PACRG: variants seen among roughly 807,000 people sequenced by gnomAD.
PACRG encodes the protein parkin coregulated.
Under a neutral mutation model 29.7 loss-of-function variants are expected in PACRG, and 29 were observed. That is an observed-to-expected ratio of 0.98 (90% CI 0.73 to 1.33). The LOEUF (loss-of-function observed/expected upper bound fraction) is 1.33. Among genes scored for constraint, PACRG ranks in the 40% most tolerant of loss-of-function variants. PACRG has a pLI of 0.00. For missense variants in PACRG, 279 were observed against 316.2 expected (o/e 0.88, Z 0.89); for synonymous variants, 116 against 118.7 (o/e 0.98, Z 0.15).
At chr6:162,772,304 G>A (rs912320386) in intron 1 of PACRG, among the ~76,000 whole-genome samples, 3 of 152,048 alleles carry the variant, frequency 2.0e-5, no homozygotes, top group Admixed American at 6.5e-5. Flanking sequence ...TGTTGGATGC[G>A]GTAAAGCTTC....
chr6:163,137,244 T>C (rs947617915), intron 4 of PACRG, among the ~76,000 whole-genome samples: 4 of 152,122 alleles, frequency 2.6e-5, no homozygotes, highest in Non-Finnish European at 4.4e-5. Flanking sequence ...CTTTCCAATG[T>C]CACACAGACT....
intron 2 of PACRG, chr6:163,043,073 A>ATGGC (rs1385012479): frequency 6.6e-6 from 1 of 152,220 alleles, no homozygotes; most frequent in African/African-American, 2.4e-5. Flanking sequence ...AGTACCCTGA[A>ATGGC]TGGCTGGCAG....
At chr6:162,925,554 G>A (rs1266745052) in intron 2 of PACRG, among the ~76,000 whole-genome samples, 3 of 152,024 alleles carry the variant, frequency 2.0e-5, no homozygotes, top group Non-Finnish European at 2.9e-5. Flanking sequence ...CAGAACCAGT[G>A]ACAAAAACTA....
intron 2 of PACRG, among the ~76,000 whole-genome samples, chr6:162,856,612 A>G (rs1286824017): frequency 6.6e-6 from 1 of 152,168 alleles, no homozygotes. Context: ...CTCTCCACAC[A>G]AATGGTAAAG....
chr6:163,278,115 G>T (rs1453929531), intron 4 of PACRG, among the ~76,000 whole-genome samples: 1 of 152,060 alleles, frequency 6.6e-6, no homozygotes, highest in East Asian at 1.9e-4. Context: ...CCATATGCTT[G>T]TTGGTCATTC....
intron 4 of PACRG, among the ~76,000 whole-genome samples, chr6:163,263,675 A>G (rs910682507): frequency 1.3e-5 from 2 of 152,210 alleles, no homozygotes; most frequent in Non-Finnish European, 2.9e-5. Flanking sequence ...CAGTTTATGA[A>G]AAGCCTATTA....
intron 2 of PACRG, among the ~76,000 whole-genome samples, chr6:162,866,257 C>T (rs974739023): frequency 2.0e-5 from 3 of 152,124 alleles, no homozygotes; most frequent in Admixed American, 6.5e-5. Flanking sequence ...AGAGAAATTG[C>T]TCATGTAAAA....
intron 4 of PACRG, among the ~76,000 whole-genome samples, chr6:163,119,919 A>G (rs1816190737): frequency 6.6e-6 from 1 of 152,124 alleles, no homozygotes. Context: ...AATATCTGGC[A>G]CCATTCATTT....
chr6:162,826,753 G>A (rs184896767), intron 2 of PACRG, among the ~76,000 whole-genome samples: 56 of 152,148 alleles, frequency 3.7e-4, no homozygotes, highest in East Asian at 1.7e-3. Flanking sequence ...GTGAGCCACC[G>A]CACCCAGCCA....
At chr6:163,097,382 G>A (rs1365113072) in intron 4 of PACRG, among the ~76,000 whole-genome samples, 1 of 152,190 alleles carries the variant, frequency 6.6e-6, no homozygotes, top group Non-Finnish European at 1.5e-5. Context: ...TGGACCAGTG[G>A]CAAATGTGGT....
chr6:163,281,299 G>A (rs557437511), intron 4 of PACRG, among the ~76,000 whole-genome samples: 18 of 152,292 alleles, frequency 1.2e-4, no homozygotes, highest in African/African-American at 3.9e-4. Flanking sequence ...GAGTGAGGAA[G>A]AGCAGATCAT....
intron 2 of PACRG, among the ~76,000 whole-genome samples, chr6:162,953,384 T>C (rs1799798114): frequency 6.6e-6 from 1 of 152,220 alleles, no homozygotes; most frequent in Non-Finnish European, 1.5e-5. Flanking sequence ...AAACTTCTTT[T>C]AATGTATGTA....
At chr6:163,041,007 C>T (rs1486495543) in intron 2 of PACRG, among the ~76,000 whole-genome samples, 3 of 152,106 alleles carry the variant, frequency 2.0e-5, no homozygotes, top group Non-Finnish European at 4.4e-5. Context: ...TATGGTTCGG[C>T]TCTGTGTCCT....
intron 4 of PACRG, among the ~76,000 whole-genome samples, chr6:163,225,759 T>C (rs549542743): frequency 6.6e-6 from 1 of 152,326 alleles, no homozygotes; most frequent in African/African-American, 2.4e-5. Context: ...ATACTGCACT[T>C]TCATTTTCAT....
At chr6:162,774,212 G>A (rs956012645) in intron 1 of PACRG, among the ~76,000 whole-genome samples, 2 of 152,098 alleles carry the variant, frequency 1.3e-5, no homozygotes, top group South Asian at 2.1e-4. Flanking sequence ...CACTCTCTCC[G>A]ACTCTGAAGT....
At chr6:162,935,235 G>A (rs1187887373) in intron 2 of PACRG, among the ~76,000 whole-genome samples, 4 of 152,012 alleles carry the variant, frequency 2.6e-5, no homozygotes, top group Non-Finnish European at 5.9e-5. Flanking sequence ...TATCTTTCTA[G>A]ACTTGGGAAA....
At chr6:162,965,370 A>C (rs370231155) in intron 2 of PACRG, among the ~76,000 whole-genome samples, 1 of 152,304 alleles carries the variant, frequency 6.6e-6, no homozygotes, top group East Asian at 1.9e-4. Flanking sequence ...AAGCAATAGA[A>C]ATTTATTTCT....
intron 4 of PACRG, among the ~76,000 whole-genome samples, chr6:163,287,231 G>A (rs1004292054): frequency 6.6e-5 from 10 of 152,132 alleles, no homozygotes; most frequent in African/African-American, 2.2e-4. Context: ...TGCTGGGGTC[G>A]CATTTGCTTT....
At chr6:163,310,103 C>T (rs922775936) in intron 4 of PACRG, 3 of 152,156 alleles carry the variant, frequency 2.0e-5, no homozygotes, top group African/African-American at 7.2e-5. Flanking sequence ...ATATATTTAC[C>T]ATTTAACAGT....
Sources: allele counts gnomAD v4.1 joint callset (sites outside exome capture counted in the v4.1 genomes callset), GRCh38; gene constraint gnomAD v4.1.1; transcripts MANE v1.5; gene names NCBI Gene and HGNC (gene_info 2026-07-23, HGNC 2026-07-21).